MPC1: variants seen among roughly 807,000 people sequenced by gnomAD.
MPC1 encodes HSPC040 protein.
MPC1 carries 6 observed loss-of-function variants against 13.9 expected under a neutral mutation model. The observed-to-expected ratio is 0.43, with a 90% confidence interval of 0.24 to 0.85. The LOEUF (loss-of-function observed/expected upper bound fraction) is 0.85. Among genes scored for constraint, MPC1 ranks in the 40% least tolerant of loss-of-function variants. MPC1 has a pLI of 0.24. For synonymous variants in MPC1, 47 were observed against 50.5 expected (o/e 0.93, Z 0.29); for missense variants, 115 against 143.3 (o/e 0.80, Z 1.01).
intron 1 of MPC1, among the ~76,000 whole-genome samples, chr6:166,374,148 G>A (rs9364845): frequency 0.66 from 100,723 of 151,814 alleles, 34,833 homozygotes; most frequent in East Asian, 0.94. Context: ...CACCACACCT[G>A]GCTAATTTCT....
intron 2 of MPC1, chr6:166,368,925 T>C (rs1255500460): frequency 9.1e-6 from 9 of 985,382 alleles, no homozygotes; most frequent in Non-Finnish European, 8.4e-6. Flanking sequence ...TTATCATGCA[T>C]GAACCCAGGG....
rs184633551 is a variant in MPC1, at chr6:166,366,197, A to T, written c.173-91T>A. On this transcript the variant is annotated intron_variant, in intron 3 of 4. Transcript: ENST00000360961. ...AGAGATGAACAGTTCCATTGCCCTGATCAAAAAAGAACCTCTTCTGCGAAA... is the reference window on the plus strand; with the variant it reads ...AGAGATGAACAGTTCCATTGCCCTGTTCAAAAAAGAACCTCTTCTGCGAAA... 17 of 1,381,840 alleles carry T rather than the reference A, an allele frequency of 1.2e-5. No individual in the cohort carries two copies. In the East Asian group the frequency reaches 2.6e-4, roughly 21 times the overall value. The allele number at this position is 1,381,840 out of a possible 1,614,324, so 85.6% of individuals were successfully genotyped here.
In MPC1 at chr6:166,365,329, C is replaced by A; in HGVS notation, c.*100G>T. 1.0e-6 allele frequency: 1 copy of A among 961,430 alleles called. No individual in the cohort carries two copies. The highest frequency in any genetic ancestry group is 1.4e-6 in the Non-Finnish European group (1 of 694,618). 59.6% of individuals were successfully genotyped at this position (961,430 alleles called of 1,614,324 possible). A position where few individuals can be genotyped will look rare whatever the true frequency, so the allele number is the denominator to read the frequency against. On this transcript the variant is annotated 3_prime_UTR_variant, in exon 5 of 5. Coordinates refer to ENST00000360961, the MANE Select transcript of MPC1 (RefSeq NM_016098.4). This position sits in a 1 kb window ranked among gnomAD's most constrained non-coding sequence, Gnocchi z 4.2. ...TAGAATGGTTAGTAAAAATAGCATTCAGTGTATTTTCCTTAGGGAGGCTAT... is the reference window on the plus strand; with the variant it reads ...TAGAATGGTTAGTAAAAATAGCATTAAGTGTATTTTCCTTAGGGAGGCTAT...
chr6:166,366,183 G>A lies in MPC1; in HGVS notation c.173-77C>T, dbSNP rs886905616. ...GTTGATAGGACCACAGAGATGAACAGTTCCATTGCCCTGATCAAAAAAGAA... is the reference window on the plus strand; with the variant it reads ...GTTGATAGGACCACAGAGATGAACAATTCCATTGCCCTGATCAAAAAAGAA... On this transcript the variant is annotated intron_variant, in intron 3 of 4. Coordinates refer to ENST00000360961, the MANE Select transcript of MPC1 (RefSeq NM_016098.4). 126 of 1,507,276 alleles carry A rather than the reference G, an allele frequency of 8.4e-5. No homozygotes were observed. In the Admixed American group the frequency reaches 1.1e-3, roughly 13 times the overall value. 93.4% of individuals were successfully genotyped at this position (1,507,276 alleles called of 1,614,324 possible).
chr6:166,376,728 C>A (rs1779582645), intron 1 of MPC1, among the ~76,000 whole-genome samples: 1 of 152,156 alleles, frequency 6.6e-6, no homozygotes, highest in South Asian at 2.1e-4. Context: ...TCTCTTTATC[C>A]CTGGTAATTT....
At chr6:166,380,688 C>T (rs562397706) in intron 1 of MPC1, among the ~76,000 whole-genome samples, 1 of 151,994 alleles carries the variant, frequency 6.6e-6, no homozygotes, top group Admixed American at 6.5e-5. Flanking sequence ...CCTGCTAACC[C>T]CAGCACTTTG....
intron 1 of MPC1, among the ~76,000 whole-genome samples, chr6:166,374,263 G>A (rs1260926074): frequency 1.3e-5 from 2 of 152,164 alleles, no homozygotes; most frequent in Non-Finnish European, 2.9e-5. Flanking sequence ...AAAGTGCTGG[G>A]ATTACAGGAG....
intron 1 of MPC1, among the ~76,000 whole-genome samples, chr6:166,372,426 A>C (rs530326278): frequency 3.3e-5 from 5 of 151,370 alleles, no homozygotes; most frequent in Admixed American, 6.6e-5. Flanking sequence ...GAGAATTACA[A>C]ATGTATGAGA....
At chr6:166,368,708 AT>A in intron 2 of MPC1, 1 of 913,020 alleles carries the variant, frequency 1.1e-6, no homozygotes, top group Non-Finnish European at 1.3e-6. Flanking sequence ...AAGGGAGAGT[AT>A]CTATCTCTCC....
At chr6:166,372,351 C>G (rs2114959346) in intron 1 of MPC1, among the ~76,000 whole-genome samples, 1 of 152,194 alleles carries the variant, frequency 6.6e-6, no homozygotes, top group Middle Eastern at 3.4e-3. Flanking sequence ...CTTGATTATA[C>G]CCTATTTTAC....
At chr6:166,370,666 C>T (rs1337438576) in intron 1 of MPC1, among the ~76,000 whole-genome samples, 1 of 152,066 alleles carries the variant, frequency 6.6e-6, no homozygotes, top group Non-Finnish European at 1.5e-5. Flanking sequence ...TTAATCTGGG[C>T]AACATAGTGA....
rs748838366 is a variant in MPC1, at chr6:166,365,391, T to A, written c.*38A>T. ...TCTGTGACTCAGCAGCAGCTGGCAATGCTGTCCCTTCAAGACCTTGTTCTT... is the reference window on the plus strand; with the variant it reads ...TCTGTGACTCAGCAGCAGCTGGCAAAGCTGTCCCTTCAAGACCTTGTTCTT... On this transcript the variant is annotated 3_prime_UTR_variant, in exon 5 of 5. Coordinates refer to ENST00000360961, the MANE Select transcript of MPC1 (RefSeq NM_016098.4). The surrounding 1 kb of genome is among the most constrained non-coding windows in gnomAD (Gnocchi z 4.2). The A allele has an allele frequency of 1.1e-5, 16 of 1,516,300 alleles. No individual in the cohort carries two copies. Among genetic ancestry groups the A allele is most frequent in the Non-Finnish European group, 1.4e-5 (16 of 1,127,272 alleles). 93.9% of individuals were successfully genotyped at this position (1,516,300 alleles called of 1,614,324 possible). A position where few individuals can be genotyped will look rare whatever the true frequency, so the allele number is the denominator to read the frequency against.
rs914824697 is a variant in MPC1 at position 166,366,087 on chromosome 6, C to T, written c.192G>A (p.Leu64=). ...CCTTGTAGGCAAATCTCATGAATGT[C>T]AAAGAATAGCAACAGAGGGCTGCCA... ...RMTFALCCYS[L]TFMRFAYKVQ... Residue 64 remains leucine, a synonymous_variant, in exon 4 of 5, where the codon TTG becomes TTA. Transcript: ENST00000360961. The T allele has an allele frequency of 1.2e-6, 2 of 1,613,592 alleles. No individual in the cohort carries two copies. Among genetic ancestry groups the T allele is most frequent in the East Asian group, 2.2e-5 (1 of 44,868 alleles).
chr6:166,380,518 T>A (rs1319309648), intron 1 of MPC1, among the ~76,000 whole-genome samples: 1 of 152,236 alleles, frequency 6.6e-6, no homozygotes, highest in Non-Finnish European at 1.5e-5. Context: ...AAAGGTTAGA[T>A]GATATACTGA....
intron 1 of MPC1, among the ~76,000 whole-genome samples, chr6:166,374,231 G>A (rs544247654): frequency 2.4e-4 from 36 of 152,200 alleles, no homozygotes; most frequent in South Asian, 4.1e-4. Context: ...GACCTCAAGC[G>A]ATCTGCCTGC....
Position 166,378,768 on chromosome 6 carries a change from T to A in MPC1, c.71+4038A>T, listed in dbSNP as rs376874121. 1.0e-3 allele frequency among the ~76,000 whole-genome samples: 157 copies of A among 152,250 alleles called. 1 individual carries two copies. Among genetic ancestry groups the A allele is most frequent in the African/African-American group, 3.6e-3 (149 of 41,542 alleles). On this transcript the variant is annotated intron_variant, in intron 1 of 4. Coordinates refer to ENST00000360961, the MANE Select transcript of MPC1 (RefSeq NM_016098.4). ...GTAAGTAACAAGAGATGGAAGAAAG[T>A]ACCAAAAAGAGAGTACCAGAAATCC...
chr6:166,371,663 T>C (rs1185682005), intron 1 of MPC1, among the ~76,000 whole-genome samples: 2 of 152,016 alleles, frequency 1.3e-5, no homozygotes, highest in Non-Finnish European at 2.9e-5. Context: ...GTAGTCCCCC[T>C]TATCCTCAGG....
intron 1 of MPC1, among the ~76,000 whole-genome samples, chr6:166,377,354 T>C (rs936866354): frequency 6.6e-5 from 10 of 152,156 alleles, no homozygotes; most frequent in African/African-American, 2.4e-4. Context: ...CTTGTAGGGC[T>C]GCTGGGTCAC....
chr6:166,369,630 C>G (rs1294233326), intron 2 of MPC1, among the ~76,000 whole-genome samples: 2 of 152,110 alleles, frequency 1.3e-5, no homozygotes, highest in African/African-American at 4.8e-5. Context: ...CTATCTAGTA[C>G]AATATTCTAG....
Sources: gnomAD v4.1 joint callset for allele counts (sites outside exome capture counted in the v4.1 genomes callset) on GRCh38, gnomAD v4.1.1 for gene constraint, Gnocchi (gnomAD v3.1) non-coding constraint, MANE v1.5 for transcripts, NCBI Gene and HGNC (gene_info 2026-07-23, HGNC 2026-07-21) for gene names.